PLGRKT: variants seen among roughly 807,000 people sequenced by gnomAD.
PLGRKT encodes plasminogen receptor with a C-terminal lysine.
A neutral mutation model predicts 18.5 loss-of-function variants in PLGRKT; 22 were observed. That is an observed-to-expected ratio of 1.19 (90% CI 0.85 to 1.70). The LOEUF (loss-of-function observed/expected upper bound fraction) is 1.70, where lower values mean the gene tolerates loss of function less well. Ranked by LOEUF, PLGRKT falls within the 40% of genes most tolerant of loss-of-function variation. The probability of loss-of-function intolerance (pLI) is 0.00; values close to 1 mark genes in which losing one functional copy is unlikely to be tolerated. For missense variants in PLGRKT, 235 were observed against 174.4 expected (o/e 1.35, Z -1.96); for synonymous variants, 72 against 52.8 (o/e 1.36, Z -1.58).
At position 5,359,633 on chromosome 9, in the gene PLGRKT, G is replaced by T. The variant is rs111917080; in HGVS notation, c.323-1273C>A. On this transcript the variant is annotated intron_variant, in intron 5 of 5. Transcript: ENST00000223864. Reference sequence around the variant, plus strand: ...GTCGAATAGGGATTGTATATTTTAGGGTCATCACTATTAACATGGAAAAAA... The same window carrying T: ...GTCGAATAGGGATTGTATATTTTAGTGTCATCACTATTAACATGGAAAAAA... Among the ~76,000 whole-genome samples the T allele has an allele frequency of 2.6e-5, 4 of 152,068 alleles. No homozygotes were observed. The South Asian group carries it at 8.3e-4, about 31-fold the overall frequency.
chr9:5,402,355 G>T (rs74945892), intron 3 of PLGRKT, among the ~76,000 whole-genome samples: 1,712 of 151,948 alleles, frequency 0.011, 68 homozygotes, highest in African/African-American at 0.039. Flanking sequence ...AGGAAACCAT[G>T]AACTCTTTTA....
At chr9:5,435,832 T>A (rs943753944) in intron 2 of PLGRKT, among the ~76,000 whole-genome samples, 1 of 152,228 alleles carries the variant, frequency 6.6e-6, no homozygotes, top group Non-Finnish European at 1.5e-5. Context: ...CAGTCTTAAT[T>A]CATTACAGCC....
chr9:5,435,687 T>C (rs1395424655), intron 2 of PLGRKT, among the ~76,000 whole-genome samples: 1 of 152,266 alleles, frequency 6.6e-6, no homozygotes, highest in African/African-American at 2.4e-5. Context: ...GACCTTGAGT[T>C]AGTTGGTTGC....
chr9:5,432,003 A>T lies in PLGRKT; in HGVS notation c.-6-20T>A. 2 of 1,099,240 alleles carry T rather than the reference A, an allele frequency of 1.8e-6. No homozygotes were observed. Among genetic ancestry groups the T allele is most frequent in the Non-Finnish European group, 2.8e-6 (2 of 714,586 alleles). 68.1% of individuals were successfully genotyped at this position (1,099,240 alleles called of 1,614,324 possible). Reference sequence around the variant, plus strand: ...TTTGACCTAAAATGTAAAAAAAGCAAGGAGACTTATAATAATACACTACAT... The same window carrying T: ...TTTGACCTAAAATGTAAAAAAAGCATGGAGACTTATAATAATACACTACAT... On this transcript the variant is annotated intron_variant, in intron 2 of 5. Transcript: ENST00000223864.
chr9:5,407,184 T>A (rs1818273778), intron 3 of PLGRKT, among the ~76,000 whole-genome samples: 1 of 152,206 alleles, frequency 6.6e-6, no homozygotes, highest in Non-Finnish European at 1.5e-5. Flanking sequence ...CAAATGAATG[T>A]TCTCATATAT....
At chr9:5,419,709 AAG>A (rs1384384541) in intron 3 of PLGRKT, among the ~76,000 whole-genome samples, 1 of 152,208 alleles carries the variant, frequency 6.6e-6, no homozygotes, top group East Asian at 1.9e-4. Context: ...GGGAAAAAAA[AAG>A]AGAGAGAGAA....
In PLGRKT at chr9:5,418,645, A is replaced by G; in HGVS notation, c.81+13252T>C. On this transcript the variant is annotated intron_variant, in intron 3 of 5. Transcript: ENST00000223864. This position sits in a 1 kb window ranked among gnomAD's most constrained non-coding sequence, Gnocchi z 4.2. The stretch of plus-strand genomic sequence containing the variant: ...GTGGCGGCTCATATCTCCGGGCAGC[A>G]GCGCGTGCTCCTTGGAGATGGGCAG... The G allele has an allele frequency of 2.9e-6, 2 of 694,188 alleles. No individual in the cohort carries two copies. Among genetic ancestry groups the G allele is most frequent in the South Asian group, 1.5e-5 (1 of 65,550 alleles). 43.0% of individuals were successfully genotyped at this position (694,188 alleles called of 1,614,324 possible).
intron 3 of PLGRKT, among the ~76,000 whole-genome samples, chr9:5,416,650 A>C (rs1168234181): frequency 1.4e-5 from 2 of 141,216 alleles, no homozygotes; most frequent in Non-Finnish European, 3.2e-5. Context: ...GGAGGAAAAC[A>C]AAAAAAAAAG....
intron 3 of PLGRKT, among the ~76,000 whole-genome samples, chr9:5,415,818 T>C (rs1322850192): frequency 6.6e-6 from 1 of 151,778 alleles, no homozygotes; most frequent in Non-Finnish European, 1.5e-5. Flanking sequence ...GTACTTATCA[T>C]AAAAGGCAAG....
chr9:5,417,746 G>C (rs1234075977), intron 3 of PLGRKT, among the ~76,000 whole-genome samples: 1 of 148,530 alleles, frequency 6.7e-6, no homozygotes, highest in Admixed American at 6.7e-5. Context: ...TACAAGTGAA[G>C]AAAATGAAGG....
intron 3 of PLGRKT, among the ~76,000 whole-genome samples, chr9:5,427,020 T>G (rs1462655786): frequency 6.6e-6 from 1 of 152,248 alleles, no homozygotes; most frequent in Non-Finnish European, 1.5e-5. Flanking sequence ...AGTCCCCTCT[T>G]ATCCACAGTT....
At position 5,358,247 on chromosome 9, in the gene PLGRKT, C is replaced by G; in HGVS notation, c.436G>C (p.Asp146His). 6.2e-7 allele frequency: 1 copy of G among 1,608,616 alleles called. No homozygotes were observed. Among genetic ancestry groups the G allele is most frequent in the Non-Finnish European group, 8.5e-7 (1 of 1,175,548 alleles). ...ARKEQSRFFIDK is the reference protein window; with the variant it reads ...ARKEQSRFFIHK The stretch of plus-strand genomic sequence containing the variant: ...GATTGGTAAGCATGATTTCATTTGT[C>G]TATGAAGAATCTACTCTGTTCCTTT... Residue 146 changes from aspartate to histidine, a missense_variant, in exon 6 of 6, where the codon GAC becomes CAC. Coordinates refer to ENST00000223864, the MANE Select transcript of PLGRKT (RefSeq NM_018465.4).
intron 5 of PLGRKT, 28 bp downstream of exon 5, chr9:5,361,050 T>C (rs375061125): frequency 1.2e-5 from 14 of 1,120,952 alleles, no homozygotes; most frequent in South Asian, 2.6e-5. Flanking sequence ...AATCAGCAAA[T>C]AGAAACTCTA....
chr9:5,421,752 A>C (rs1351167834), intron 3 of PLGRKT, among the ~76,000 whole-genome samples: 2 of 152,204 alleles, frequency 1.3e-5, no homozygotes, highest in Non-Finnish European at 2.9e-5. Flanking sequence ...CTATATACTC[A>C]CATGTGGGAA....
chr9:5,373,451 G>A (rs1183288441), intron 3 of PLGRKT, among the ~76,000 whole-genome samples: 3 of 152,152 alleles, frequency 2.0e-5, no homozygotes, highest in African/African-American at 7.2e-5. Flanking sequence ...CACAAATGTG[G>A]GTCTGGGGCT....
intron 3 of PLGRKT, among the ~76,000 whole-genome samples, chr9:5,365,832 T>C (rs565171298): frequency 6.6e-6 from 1 of 152,276 alleles, no homozygotes; most frequent in Admixed American, 6.5e-5. Flanking sequence ...TTTAAGTATA[T>C]TTAAAAAACT....
At chr9:5,389,787 G>A (rs1817913473) in intron 3 of PLGRKT, among the ~76,000 whole-genome samples, 1 of 151,866 alleles carries the variant, frequency 6.6e-6, no homozygotes, top group Non-Finnish European at 1.5e-5. Context: ...TCTCCCTAAT[G>A]ACCGAAGGCC....
chr9:5,370,193 T>C (rs1048069994), intron 3 of PLGRKT, among the ~76,000 whole-genome samples: 1 of 152,198 alleles, frequency 6.6e-6, no homozygotes, highest in African/African-American at 2.4e-5. Flanking sequence ...CATCAGCTCT[T>C]TCCTGTGTAT....
chr9:5,410,624 T>C (rs1535453), intron 3 of PLGRKT, among the ~76,000 whole-genome samples: 12,241 of 152,260 alleles, frequency 0.08, 681 homozygotes, highest in South Asian at 0.16. Context: ...AAAATTATGT[T>C]TTAGATTATG....
Sources: allele counts gnomAD v4.1 joint callset (sites outside exome capture counted in the v4.1 genomes callset), GRCh38; gene constraint gnomAD v4.1.1; non-coding constraint Gnocchi (gnomAD v3.1); transcripts MANE v1.5; gene names NCBI Gene and HGNC (gene_info 2026-07-23, HGNC 2026-07-21).